SDK1: variants seen among roughly 807,000 people sequenced by gnomAD.
The protein encoded by SDK1 is sidekick cell adhesion molecule 1, also known as protein sidekick-1.
A neutral mutation model predicts 245.5 loss-of-function variants in SDK1; 157 were observed. The ratio of observed to expected loss-of-function variants is 0.64; its 90% CI spans 0.56 to 0.73. The LOEUF (loss-of-function observed/expected upper bound fraction) is 0.73, where lower values mean the gene tolerates loss of function less well. Ranked by LOEUF, SDK1 falls within the 30% of genes least tolerant of loss-of-function variation. SDK1 has a pLI of 0.00. For synonymous variants in SDK1, 1,647 were observed against 1,278.5 expected (o/e 1.29, Z -6.15); for missense variants, 3,583 against 3,002.3 (o/e 1.19, Z -4.52).
At chr7:3,476,889 G>A (rs140195271) in intron 1 of SDK1, among the ~76,000 whole-genome samples, 1 of 152,156 alleles carries the variant, frequency 6.6e-6, no homozygotes, top group East Asian at 1.9e-4. Flanking sequence ...AGGGCTTTTG[G>A]CAGTAAGTGG....
intron 43 of SDK1, 77 bp from the exon 44 acceptor site, chr7:4,245,599 A>C (rs574843856): frequency 3.8e-5 from 58 of 1,546,352 alleles, no homozygotes; most frequent in Non-Finnish European, 4.8e-5. Context: ...AATAAAGGCC[A>C]AATGCCAGGT....
intron 31 of SDK1, among the ~76,000 whole-genome samples, 155 bp from the exon 32 acceptor site, chr7:4,161,631 G>T (rs1781128659): frequency 6.6e-6 from 1 of 152,120 alleles, no homozygotes. Context: ...GAGAAGCTCT[G>T]GGAAGCCCCG....
chr7:4,155,032 G>A (rs1186845953), intron 30 of SDK1, among the ~76,000 whole-genome samples: 1 of 152,004 alleles, frequency 6.6e-6, no homozygotes, highest in Non-Finnish European at 1.5e-5. Flanking sequence ...AGCGCTGCAG[G>A]GAGGTGAGGC....
chr7:3,916,526 TG>T (rs1779386626), intron 5 of SDK1, among the ~76,000 whole-genome samples: 1 of 152,244 alleles, frequency 6.6e-6, no homozygotes, highest in South Asian at 2.1e-4. Context: ...GAAAGTCAAC[TG>T]TCTGTGGATG....
intron 1 of SDK1, among the ~76,000 whole-genome samples, chr7:3,344,030 A>C (rs4389835): frequency 0.25 from 37,679 of 150,644 alleles, 4,895 homozygotes; most frequent in East Asian, 0.38. Flanking sequence ...AAAAAAAAAA[A>C]AAAAAACTAG....
chr7:3,712,361 C>A (rs528031899), intron 4 of SDK1, among the ~76,000 whole-genome samples: 2 of 152,274 alleles, frequency 1.3e-5, no homozygotes, highest in African/African-American at 4.8e-5. Flanking sequence ...TCCCATCACC[C>A]CCAGATGGGA....
intron 1 of SDK1, among the ~76,000 whole-genome samples, chr7:3,598,808 TAGTG>T (rs2128637989): frequency 6.6e-6 from 1 of 152,354 alleles, no homozygotes; most frequent in African/African-American, 2.4e-5. Context: ...TCCATTTTAT[TAGTG>T]AGTAGTAAAC....
chr7:3,832,223 G>C (rs987267621), intron 5 of SDK1, among the ~76,000 whole-genome samples: 1 of 152,096 alleles, frequency 6.6e-6, no homozygotes, highest in African/African-American at 2.4e-5. Flanking sequence ...TTTGAACCCA[G>C]GTTTGTCTTT....
At chr7:3,648,973 C>T (rs148577967) in intron 4 of SDK1, among the ~76,000 whole-genome samples, 1 of 152,302 alleles carries the variant, frequency 6.6e-6, no homozygotes, top group East Asian at 1.9e-4. Context: ...GAAGGGGGTG[C>T]CATGGCAGTT....
intron 1 of SDK1, among the ~76,000 whole-genome samples, chr7:3,311,851 C>T (rs547593335): frequency 1.1e-4 from 16 of 152,214 alleles, no homozygotes; most frequent in South Asian, 1.0e-3. Flanking sequence ...AGAGCTAGGG[C>T]GTTAATCAGG....
intron 1 of SDK1, among the ~76,000 whole-genome samples, chr7:3,404,612 G>T (rs1272262748): frequency 6.6e-6 from 1 of 152,194 alleles, no homozygotes; most frequent in Non-Finnish European, 1.5e-5. Flanking sequence ...TTCCAAACTG[G>T]TTTGGAAAGC....
At chr7:4,054,451 A>G (rs1010489626) in intron 19 of SDK1, among the ~76,000 whole-genome samples, 3 of 152,022 alleles carry the variant, frequency 2.0e-5, no homozygotes, top group South Asian at 2.1e-4. Flanking sequence ...TTTTGTGCAT[A>G]TGTGTGTGTT....
chr7:3,392,914 C>T (rs147155494), intron 1 of SDK1, among the ~76,000 whole-genome samples: 4 of 148,580 alleles, frequency 2.7e-5, no homozygotes, highest in African/African-American at 7.4e-5. Flanking sequence ...AAATATTGCT[C>T]ATGATGAACA....
At chr7:3,617,259 C>T (rs990302386) in intron 1 of SDK1, among the ~76,000 whole-genome samples, 3 of 152,166 alleles carry the variant, frequency 2.0e-5, no homozygotes, top group Non-Finnish European at 2.9e-5. Context: ...TAGCTATCCC[C>T]TTAGTTCCTG....
intron 28 of SDK1, among the ~76,000 whole-genome samples, chr7:4,139,533 G>GTATA (rs1351901086): frequency 0.11 from 1,326 of 11,540 alleles, 271 homozygotes; most frequent in African/African-American, 0.25. Context: ...GTATGTGTGT[G>GTATA]TGTATATATG....
chr7:3,677,604 T>C (rs34823338), intron 4 of SDK1, among the ~76,000 whole-genome samples: 85,803 of 152,200 alleles, frequency 0.56, 28,695 homozygotes, highest in Non-Finnish European at 0.76. Flanking sequence ...CCTTGACACA[T>C]GGGGATTATT....
intron 5 of SDK1, among the ~76,000 whole-genome samples, chr7:3,828,733 C>T (rs1414275607): frequency 6.7e-6 from 1 of 148,920 alleles, no homozygotes; most frequent in Non-Finnish European, 1.5e-5. Flanking sequence ...CTCACTGCAG[C>T]CTCTAACTTC....
chr7:3,478,498 T>C (rs1248497944), intron 1 of SDK1, among the ~76,000 whole-genome samples: 1 of 152,052 alleles, frequency 6.6e-6, no homozygotes. Flanking sequence ...TCTTTAAATA[T>C]ATTCAACTTT....
At chr7:3,636,476 G>A (rs545814684) in intron 2 of SDK1, among the ~76,000 whole-genome samples, 4 of 152,250 alleles carry the variant, frequency 2.6e-5, no homozygotes, top group Admixed American at 2.6e-4. Context: ...GTTCTTCTGT[G>A]TCTGGTTTAC....
Sources: allele counts gnomAD v4.1 joint callset (sites outside exome capture counted in the v4.1 genomes callset), GRCh38; gene constraint gnomAD v4.1.1; transcripts MANE v1.5; gene names NCBI Gene and HGNC (gene_info 2026-07-23, HGNC 2026-07-21).